The following EIF4E3 variants were observed in gnomAD, a reference collection of about 807,000 sequenced individuals.
EIF4E3 encodes eukaryotic translation initiation factor 4E family member 3.
In EIF4E3, 26 loss-of-function variants were observed where a neutral mutation model predicts 31.7. The observed-to-expected ratio is 0.82, with a 90% CI of 0.60 to 1.14. The LOEUF is 1.14. Ranked by LOEUF, EIF4E3 falls within the 50% of genes most tolerant of loss-of-function variation. The pLI is 0.00. For missense variants in EIF4E3, 304 were observed against 270.9 expected (o/e 1.12, Z -0.86); for synonymous variants, 128 against 107.7 (o/e 1.19, Z -1.17).
chr3:71,753,007 C>T (rs2049949675), intron 1 of EIF4E3, among the ~76,000 whole-genome samples: 4 of 152,188 alleles, frequency 2.6e-5, no homozygotes, highest in Admixed American at 2.6e-4. Flanking sequence ...TTTCTTTTCC[C>T]TGATATAGGT....
At chr3:71,688,015 G>GT (rs3839078) in intron 6 of EIF4E3, among the ~76,000 whole-genome samples, 39,870 of 151,640 alleles carry the variant, frequency 0.26, 6,449 homozygotes, top group East Asian at 0.69. Flanking sequence ...AAAACTGCTT[G>GT]TTTTTTTTCA....
intron 1 of EIF4E3, among the ~76,000 whole-genome samples, chr3:71,752,357 T>C (rs368190168): frequency 1.3e-5 from 2 of 152,302 alleles, no homozygotes; most frequent in African/African-American, 2.4e-5. Flanking sequence ...GCCAGAATAA[T>C]GTTCCTGGAG....
intron 1 of EIF4E3, among the ~76,000 whole-genome samples, chr3:71,716,174 AC>A (rs1218831303): frequency 6.6e-6 from 1 of 151,998 alleles, no homozygotes; most frequent in Non-Finnish European, 1.5e-5. Context: ...CAAAAAAAAT[AC>A]CCCCAAATGT....
At chr3:71,751,475 T>G (rs983989282) in intron 1 of EIF4E3, among the ~76,000 whole-genome samples, 1 of 152,170 alleles carries the variant, frequency 6.6e-6, no homozygotes, top group African/African-American at 2.4e-5. Flanking sequence ...AGTATTACCA[T>G]AAAGCAACCA....
At chr3:71,684,852 T>C (rs1361906476) in intron 6 of EIF4E3, 124 bp from the exon 7 acceptor site, 1 of 778,170 alleles carries the variant, frequency 1.3e-6, no homozygotes, top group African/African-American at 1.8e-5. Context: ...TCAAACACCT[T>C]ATTTATTTAT....
chr3:71,717,705 T>G lies in EIF4E3; in HGVS notation c.177-7221A>C, dbSNP rs147943439. ...GGGTTAGGGACACCAGGGCTTGGAG[T>G]CATACAGTCCTAATTCAAATCCTGT... On this transcript the variant is annotated intron_variant, in intron 1 of 6. Coordinates refer to ENST00000425534, the MANE Select transcript of EIF4E3 (RefSeq NM_001134651.2). 3.3e-3 allele frequency among the ~76,000 whole-genome samples: 499 copies of G among 152,220 alleles called. 4 individuals are homozygous for G. Among genetic ancestry groups the G allele is most frequent in the Admixed American group, 0.015 (225 of 15,294 alleles).
intron 2 of EIF4E3, 113 bp from the exon 3 acceptor site, chr3:71,699,821 A>G: frequency 1.2e-6 from 1 of 805,536 alleles, no homozygotes; most frequent in Non-Finnish European, 1.9e-6. Flanking sequence ...TGTTTTATCC[A>G]TTCAAAATAG....
intron 4 of EIF4E3, 79 bp downstream of exon 4, chr3:71,696,381 C>T (rs1028749183): frequency 1.9e-6 from 3 of 1,542,960 alleles, no homozygotes; most frequent in Non-Finnish European, 1.8e-6. Context: ...AGGCTATCTG[C>T]AAAGCACAAA....
intron 1 of EIF4E3, among the ~76,000 whole-genome samples, chr3:71,744,675 GCA>G (rs1448375663): frequency 1.3e-5 from 2 of 152,334 alleles, no homozygotes; most frequent in African/African-American, 4.8e-5. Flanking sequence ...AACCTGAGAG[GCA>G]GAGGTTGCAG....
At position 71,725,377 on chromosome 3, in the gene EIF4E3, C is replaced by T. The variant is rs1202996990; in HGVS notation, c.-10G>A. The stretch of plus-strand genomic sequence containing the variant: ...CCGGGGGCAGCGCCATTTTCTCCGC[C>T]CCGCCTGCAAGGCCGGCGGACGCGC... On this transcript the variant is annotated 5_prime_UTR_variant, in exon 1 of 7. Transcript: ENST00000425534. This position sits in a 1 kb window ranked among gnomAD's most constrained non-coding sequence, Gnocchi z 6.1. 2 of 978,140 alleles carry T rather than the reference C, an allele frequency of 2.0e-6. No homozygotes were observed. The allele number at this position is 978,140 out of a possible 1,614,324, so 60.6% of individuals were successfully genotyped here. A position where few individuals can be genotyped will look rare whatever the true frequency, so the allele number is the denominator to read the frequency against.
chr3:71,670,018 C>A, the EIF4E3 span, among the ~76,000 whole-genome samples: 40 of 152,346 alleles, frequency 2.6e-4, no homozygotes, highest in Non-Finnish European at 2.6e-4. Flanking sequence ...CACAAACCTT[C>A]AGTGAAGTTT....
At chr3:71,661,551 A>T in the EIF4E3 span, among the ~76,000 whole-genome samples, 2 of 152,224 alleles carry the variant, frequency 1.3e-5, no homozygotes, top group Non-Finnish European at 2.9e-5. Context: ...AATGTGGCAT[A>T]GAAAAGATCC....
At chr3:71,667,426 A>G in the EIF4E3 span, among the ~76,000 whole-genome samples, 3 of 152,356 alleles carry the variant, frequency 2.0e-5, no homozygotes, top group East Asian at 5.8e-4. Flanking sequence ...AGGAAGAAAT[A>G]AAGGTATTTA....
At chr3:71,659,797 A>G in the EIF4E3 span, among the ~76,000 whole-genome samples, 1 of 152,188 alleles carries the variant, frequency 6.6e-6, no homozygotes. Flanking sequence ...TTTGAGTACG[A>G]GATAGTCACC....
upstream of EIF4E3, chr3:71,754,088 C>T (rs370681816): frequency 8.3e-4 from 1,112 of 1,343,824 alleles, 6 homozygotes; most frequent in African/African-American, 0.011. This position sits in a 1 kb window ranked among gnomAD's most constrained non-coding sequence, Gnocchi z 5.8. Context: ...GCGGCGGCGG[C>T]GAGGCGGCCG....
intron 1 of EIF4E3, among the ~76,000 whole-genome samples, chr3:71,739,566 G>A (rs537578028): frequency 2.0e-4 from 30 of 152,124 alleles, no homozygotes; most frequent in African/African-American, 6.7e-4. Context: ...GTGTGGTGGC[G>A]CATGGCTGTA....
rs1346538388 is a variant in EIF4E3 at position 71,703,413 on chromosome 3, G to C, written c.250-3705C>G. Reference sequence around the variant, plus strand: ...CAGCATAACCTTCACAGGTCATGTAGCCCGTGAAACCCACGTTGCCTCCTC... The same window carrying C: ...CAGCATAACCTTCACAGGTCATGTACCCCGTGAAACCCACGTTGCCTCCTC... On this transcript the variant is annotated intron_variant, in intron 2 of 6. Coordinates refer to ENST00000425534, the MANE Select transcript of EIF4E3 (RefSeq NM_001134651.2). 2.0e-5 allele frequency among the ~76,000 whole-genome samples: 3 copies of C among 152,186 alleles called. No homozygotes were observed. The East Asian group carries it at 5.8e-4, about 29-fold the overall frequency.
chr3:71,720,475 A>C (rs2049530979), intron 1 of EIF4E3, among the ~76,000 whole-genome samples: 1 of 152,076 alleles, frequency 6.6e-6, no homozygotes. Context: ...GATTGCACGG[A>C]TGAACCACCA....
At chr3:71,708,470 A>C (rs1257291271) in intron 2 of EIF4E3, among the ~76,000 whole-genome samples, 2 of 152,190 alleles carry the variant, frequency 1.3e-5, no homozygotes, top group Non-Finnish European at 2.9e-5. Flanking sequence ...CCAATAAAGT[A>C]GTTTTAAAGG....
Sources: allele counts gnomAD v4.1 joint callset (sites outside exome capture counted in the v4.1 genomes callset), GRCh38; gene constraint gnomAD v4.1.1; non-coding constraint Gnocchi (gnomAD v3.1); transcripts MANE v1.5; gene names NCBI Gene and HGNC (gene_info 2026-07-23, HGNC 2026-07-21).